OR4K14: variants seen among roughly 807,000 people sequenced by gnomAD.
The protein encoded by OR4K14 is olfactory receptor family 4 subfamily K member 14.
For missense variants in OR4K14, 406 were observed against 373.6 expected (o/e 1.09, Z -0.72); for synonymous variants, 153 against 141.5 (o/e 1.08, Z -0.58).
In OR4K14 at chr14:20,014,772, G is replaced by C. The variant is rs769841971; in HGVS notation, c.422C>G (p.Thr141Ser). ...LHYMTLMSWQ[T>S]CIRLVLASWV... The stretch of plus-strand genomic sequence containing the variant: ...TGAAGCCAGCACCAGCCTGATGCAA[G>C]TCTGCCAACTCATCAAAGTCATGTA... Residue 141 changes from threonine (T) to serine (S), a missense_variant, in exon 2 of 2, where the codon ACT (threonine) becomes AGT (serine). Transcript: ENST00000641793. The C allele has an allele frequency of 3.3e-5, 54 of 1,614,092 alleles. No individual in the cohort carries two copies. Among genetic ancestry groups the C allele is most frequent in the Non-Finnish European group, 4.5e-5 (53 of 1,179,998 alleles).
At chr14:20,015,943 T>A (rs945379505) in intron 1 of OR4K14, among the ~76,000 whole-genome samples, 23 of 150,814 alleles carry the variant, frequency 1.5e-4, no homozygotes, top group African/African-American at 5.1e-4. Flanking sequence ...TATAAAAACA[T>A]GGATCAATCA....
rs1217045060 is a variant in OR4K14, at chr14:20,014,554, G to A, written c.640C>T (p.Leu214Phe). 1 of 1,614,104 alleles carries A rather than the reference G, an allele frequency of 6.2e-7. No homozygotes were observed. Among genetic ancestry groups the A allele is most frequent in the South Asian group, 1.1e-5 (1 of 91,076 alleles). The change falls in exon 2 of 2, where the codon CTC becomes TTC. Residue 214 changes from leucine to phenylalanine, a missense_variant. By Grantham distance (22) the Leu-to-Phe change is conservative. Transcript: ENST00000641793. ...SGLLSLSCFLLLLISYTVILL... is the reference protein window; with the variant it reads ...SGLLSLSCFLFLLISYTVILL... Reference sequence around the variant, plus strand: ...ATCACGGTGTAGGAGATCAGGAGGAGCAGAAAACAGCTCAAGGAAAGCAAC... The same window carrying A: ...ATCACGGTGTAGGAGATCAGGAGGAACAGAAAACAGCTCAAGGAAAGCAAC...
chr14:20,016,295 T>G (rs1170001504), intron 1 of OR4K14, among the ~76,000 whole-genome samples: 2 of 150,574 alleles, frequency 1.3e-5, no homozygotes, highest in Non-Finnish European at 3.0e-5. Context: ...AGAAGGAAAT[T>G]TTGTTCCTCA....
Position 20,014,405 on chromosome 14 carries a change from G to A in OR4K14, c.789C>T (p.Phe263=), listed in dbSNP as rs752927033. The part of the protein sequence containing the change: ...GPCIFVYVRP[F]SRFSVDKLLS... ...GCAGCTTGTCCACAGAGAACCTACT[G>A]AAAGGCCGCACATAAACAAAAATGC... is the stretch of plus-strand genomic sequence containing the variant. The change falls in exon 2 of 2, where the codon TTC becomes TTT. Residue 263 remains phenylalanine, a synonymous_variant. Coordinates refer to ENST00000641793, the MANE Select transcript of OR4K14 (RefSeq NM_001004712.2). 6.2e-7 allele frequency: 1 copy of A among 1,614,034 alleles called. No individual in the cohort carries two copies. Among genetic ancestry groups the A allele is most frequent in the Non-Finnish European group, 8.5e-7 (1 of 1,179,974 alleles).
chr14:20,014,379 A>G lies in OR4K14; in HGVS notation c.815T>C (p.Leu272Pro). ...AGTAAAAATGGTATAAAACACAGAC[A>G]GCAGCTTGTCCACAGAGAACCTACT... ...PFSRFSVDKLLSVFYTIFTPL... is the reference protein window; with the variant it reads ...PFSRFSVDKLPSVFYTIFTPL... Residue 272 changes from leucine (L) to proline (P), a missense_variant, in exon 2 of 2, where the codon CTG becomes CCG. Leu to Pro is a moderately conservative substitution (Grantham distance 98). Coordinates refer to ENST00000641793, the MANE Select transcript of OR4K14 (RefSeq NM_001004712.2). The G allele has an allele frequency of 2.5e-6, 4 of 1,614,076 alleles. No individual in the cohort carries two copies. Among genetic ancestry groups the G allele is most frequent in the Non-Finnish European group, 3.4e-6 (4 of 1,179,926 alleles).
In OR4K14 at chr14:20,014,569, A is replaced by G; in HGVS notation, c.625T>C (p.Leu209=). 6.2e-7 allele frequency: 1 copy of G among 1,614,164 alleles called. No homozygotes were observed. Among genetic ancestry groups the G allele is most frequent in the Non-Finnish European group, 8.5e-7 (1 of 1,180,006 alleles). Residue 209 remains leucine (L), a synonymous_variant, in exon 2 of 2, where the codon TTG becomes CTG. Transcript: ENST00000641793. ...IMISDSGLLS[L]SCFLLLLISY... is the part of the protein sequence containing the mutation. ...ATCAGGAGGAGCAGAAAACAGCTCA[A>G]GGAAAGCAACCCACTGTCTGAGATC...
At chr14:20,015,392 T>A (rs1325710666) in intron 1 of OR4K14, among the ~76,000 whole-genome samples, 170 bp from the exon 2 acceptor site, 2 of 152,040 alleles carry the variant, frequency 1.3e-5, no homozygotes, top group African/African-American at 2.4e-5. Flanking sequence ...TACCAGAGGC[T>A]GGGAAGGAGA....
Position 20,014,238 on chromosome 14 carries a change from C to G in OR4K14, c.*23G>C. On this transcript the variant is annotated 3_prime_UTR_variant, in exon 2 of 2. Transcript: ENST00000641793. ...ATATCTGCTGAATGAATAGAAACAT[C>G]TAACACTATGGAAGGCTGGATTTCA... 6.8e-7 allele frequency: 1 copy of G among 1,471,128 alleles called. No individual in the cohort carries two copies. The highest frequency in any genetic ancestry group is 9.3e-7 in the Non-Finnish European group (1 of 1,077,240). The allele number at this position is 1,471,128 out of a possible 1,614,324, so 91.1% of individuals were successfully genotyped here.
chr14:20,017,816 G>A (rs1433320941), intron 1 of OR4K14, among the ~76,000 whole-genome samples: 2 of 151,906 alleles, frequency 1.3e-5, no homozygotes, highest in Non-Finnish European at 2.9e-5. Context: ...TTTTGAGGGT[G>A]TTTTCACCAT....
At chr14:20,016,002 AT>A (rs1202225851) in intron 1 of OR4K14, among the ~76,000 whole-genome samples, 1 of 148,008 alleles carries the variant, frequency 6.8e-6, no homozygotes, top group Non-Finnish European at 1.5e-5. Context: ...GAATATGAAG[AT>A]TTTTTCAGGG....
intron 1 of OR4K14, among the ~76,000 whole-genome samples, chr14:20,016,748 G>C (rs1400664306): frequency 6.6e-6 from 1 of 152,048 alleles, no homozygotes; most frequent in South Asian, 2.1e-4. Context: ...GGAAATATGG[G>C]CCGTAATCAG....
rs753607002 is a variant in OR4K14 at position 20,015,106 on chromosome 14, A to C, written c.88T>G (p.Phe30Val). 42 of 1,613,824 alleles carry C rather than the reference A, an allele frequency of 2.6e-5. No individual in the cohort carries two copies. The highest frequency in any genetic ancestry group is 3.1e-5 in the Non-Finnish European group (36 of 1,179,878). ...SRHLQNFFFI[F>V]FFGVYVAIML... ...ATGGCCACATAGACCCCAAAGAAAA[A>C]TATAAAGAAAAAATTTTGAAGATGT... The change falls in exon 2 of 2, where the codon TTT becomes GTT. Residue 30 changes from phenylalanine to valine, a missense_variant. By Grantham distance (50) the Phe-to-Val change is conservative. Transcript: ENST00000641793.
chr14:20,018,428 G>A lies in OR4K14; in HGVS notation c.-30+715C>T, dbSNP rs1594159969. Among the ~76,000 whole-genome samples, 12 of 151,918 alleles carry A rather than the reference G, an allele frequency of 7.9e-5. No individual in the cohort carries two copies. In the South Asian group the frequency reaches 2.5e-3, roughly 32 times the overall value. On this transcript the variant is annotated intron_variant, in intron 1 of 1. Coordinates refer to ENST00000641793, the MANE Select transcript of OR4K14 (RefSeq NM_001004712.2). ...AAGCCAAAATCCCCAACGGGTAGAAGGGACATAATCACAAAGCAATAATTC... is the reference window on the plus strand; with the variant it reads ...AAGCCAAAATCCCCAACGGGTAGAAAGGACATAATCACAAAGCAATAATTC...
At chr14:20,017,968 A>G (rs1362040048) in intron 1 of OR4K14, among the ~76,000 whole-genome samples, 3 of 151,998 alleles carry the variant, frequency 2.0e-5, no homozygotes, top group Admixed American at 2.0e-4. Context: ...CCTCACTGAG[A>G]GGAAAATATT....
Position 20,015,056 on chromosome 14 carries a change from C to A in OR4K14, c.138G>T (p.Leu46Phe). 6.2e-7 allele frequency: 1 copy of A among 1,613,808 alleles called. No homozygotes were observed. The highest frequency in any genetic ancestry group is 1.7e-5 in the Admixed American group (1 of 59,986). The part of the protein sequence containing the change: ...VAIMLGNLLI[L>F]VTVISDPCLH... The stretch of plus-strand genomic sequence containing the variant: ...GGCAGGGATCAGAAATTACAGTGAC[C>A]AAAATGAGAAGGTTACCCAGCATAA... Residue 46 changes from leucine (L) to phenylalanine (F), a missense_variant, in exon 2 of 2, where the codon TTG becomes TTT. By Grantham distance (22) the Leu-to-Phe change is conservative. Transcript: ENST00000641793.
At position 20,014,461 on chromosome 14, in the gene OR4K14, T is replaced by C. The variant is rs897714321; in HGVS notation, c.733A>G (p.Ile245Val). 6.2e-7 allele frequency: 1 copy of C among 1,614,030 alleles called. No individual in the cohort carries two copies. Among genetic ancestry groups the C allele is most frequent in the Middle Eastern group, 1.6e-4 (1 of 6,062 alleles). Reference sequence around the variant, plus strand: ...CCAAAGAACAGCGTCACTACCATGATATGTGCAGAGCAAGTGGAGAGTGCT... The same window carrying C: ...CCAAAGAACAGCGTCACTACCATGACATGTGCAGAGCAAGTGGAGAGTGCT... ...SKALSTCSAH[I>V]MVVTLFFGPC... The change falls in exon 2 of 2, where the codon ATC (isoleucine) becomes GTC (valine). Residue 245 changes from isoleucine to valine, a missense_variant. Transcript: ENST00000641793.
rs138494163 is a variant in OR4K14 at position 20,014,514 on chromosome 14, C to G, written c.680G>C (p.Arg227Thr). 30 of 1,613,958 alleles carry G rather than the reference C, an allele frequency of 1.9e-5. No individual in the cohort carries two copies. Among genetic ancestry groups the G allele is most frequent in the Non-Finnish European group, 2.5e-5 (29 of 1,179,994 alleles). ...GGATGTGCTACCGGCAGCACGCTGT[C>G]TGATAGCGAGGAGGATCACGGTGTA... is the stretch of plus-strand genomic sequence containing the variant. ...ISYTVILLAIRQRAAGSTSKA... is the reference protein window; with the variant it reads ...ISYTVILLAITQRAAGSTSKA... The change falls in exon 2 of 2, where the codon AGA (arginine) becomes ACA (threonine). Residue 227 changes from arginine (R) to threonine (T), a missense_variant. Arg to Thr is a moderately conservative substitution (Grantham distance 71, BLOSUM62 -1). Transcript: ENST00000641793.
Position 20,014,927 on chromosome 14 carries a change from A to C in OR4K14, c.267T>G (p.Asp89Glu). 1 of 1,614,124 alleles carries C rather than the reference A, an allele frequency of 6.2e-7. No individual in the cohort carries two copies. The highest frequency in any genetic ancestry group is 8.5e-7 in the Non-Finnish European group (1 of 1,180,004). Residue 89 changes from aspartate (D) to glutamate (E), a missense_variant, in exon 2 of 2, where the codon GAT (aspartate) becomes GAG (glutamate). Asp to Glu is a conservative substitution (Grantham distance 45). Coordinates refer to ENST00000641793, the MANE Select transcript of OR4K14 (RefSeq NM_001004712.2). ...TPKMIRDFLSDQKLISFGGCM... is the reference protein window; with the variant it reads ...TPKMIRDFLSEQKLISFGGCM... The stretch of plus-strand genomic sequence containing the variant: ...ATCCTCCAAAGGAGATGAGTTTTTG[A>C]TCACTAAGGAAATCCCTGATCATCT...
chr14:20,014,720 G>A lies in OR4K14; in HGVS notation c.474C>T (p.Ile158=), dbSNP rs377371465. ...ASWVVGFVHS[I]SQVAFTVNLP... Reference sequence around the variant, plus strand: ...AATTTACAGTGAAAGCCACTTGACTGATGGAGTGCACAAATCCAACGACCC... The same window carrying A: ...AATTTACAGTGAAAGCCACTTGACTAATGGAGTGCACAAATCCAACGACCC... Residue 158 remains isoleucine, a synonymous_variant, in exon 2 of 2, where the codon ATC becomes ATT. Transcript: ENST00000641793. 6.2e-7 allele frequency: 1 copy of A among 1,613,904 alleles called. No individual in the cohort carries two copies. The highest frequency in any genetic ancestry group is 8.5e-7 in the Non-Finnish European group (1 of 1,179,936).
Sources: gnomAD v4.1 joint callset for allele counts (sites outside exome capture counted in the v4.1 genomes callset) on GRCh38, gnomAD v4.1.1 for gene constraint, MANE v1.5 for transcripts, NCBI Gene and HGNC (gene_info 2026-07-23, HGNC 2026-07-21) for gene names.